TCEA1: variants seen among roughly 807,000 people sequenced by gnomAD.
The protein encoded by TCEA1 is transcription elongation factor A1.
In TCEA1, 21 loss-of-function variants were observed where a neutral mutation model predicts 43.8. The observed-to-expected ratio is 0.48, with a 90% CI of 0.34 to 0.69. The LOEUF (loss-of-function observed/expected upper bound fraction) is 0.69. Ranked by LOEUF, TCEA1 falls within the 30% of genes least tolerant of loss-of-function variation. The probability of loss-of-function intolerance (pLI) is 0.01; values close to 1 mark genes in which losing one functional copy is unlikely to be tolerated. For missense variants in TCEA1, 250 were observed against 365.1 expected (o/e 0.68, Z 2.57); for synonymous variants, 104 against 117.5 (o/e 0.88, Z 0.75).
intron 7 of TCEA1, among the ~76,000 whole-genome samples, chr8:53,980,912 G>A (rs150853638): frequency 2.1e-3 from 325 of 152,260 alleles, no homozygotes; most frequent in African/African-American, 7.3e-3. Context: ...ATTTCTTGAT[G>A]GAAATTAAAA....
Position 53,984,505 on chromosome 8 carries a change from T to C in TCEA1, c.536A>G (p.Glu179Gly). The C allele has an allele frequency of 6.3e-7, 1 of 1,587,292 alleles. No individual in the cohort carries two copies. Among genetic ancestry groups the C allele is most frequent in the African/African-American group, 1.4e-5 (1 of 73,834 alleles). The change falls in exon 7 of 10, where the codon GAA becomes GGA. Residue 179 changes from glutamate to glycine, a missense_variant. Coordinates refer to ENST00000521604, the MANE Select transcript of TCEA1 (RefSeq NM_006756.4). ...GTATTTCATGTCTGTATTCCTTATT[T>C]CTTGATATATAGGTACCAGGCCGTT... ...GSQIEEAIYQEIRNTDMKYKN... is the reference protein window; with the variant it reads ...GSQIEEAIYQGIRNTDMKYKN...
At chr8:54,002,807 A>G in intron 2 of TCEA1, 2 of 439,196 alleles carry the variant, frequency 4.6e-6, no homozygotes, top group Non-Finnish European at 9.1e-6. Context: ...GACAAACTAT[A>G]CATCGTGAAA....
Position 54,021,978 on chromosome 8 carries a change from G to A in TCEA1, c.63+85C>T. On this transcript the variant is annotated intron_variant, in intron 1 of 9. Transcript: ENST00000521604. Reference sequence around the variant, plus strand: ...CAGACGGGAGGCTGCAGGGGGAGGGGAGGGAGAAGGAGGGAGGGGGCGGCC... The same window carrying A: ...CAGACGGGAGGCTGCAGGGGGAGGGAAGGGAGAAGGAGGGAGGGGGCGGCC... 3.1e-6 allele frequency: 4 copies of A among 1,270,806 alleles called. No homozygotes were observed. The South Asian group carries it at 7.2e-5, about 23-fold the overall frequency. 78.7% of individuals were successfully genotyped at this position (1,270,806 alleles called of 1,614,324 possible).
intron 1 of TCEA1, 69 bp downstream of exon 1, chr8:54,021,993 AG>A (rs900664062): frequency 2.0e-5 from 27 of 1,320,102 alleles, no homozygotes; most frequent in Admixed American, 3.7e-5. Context: ...AGAAGGAGGG[AG>A]GGGGCGGCCC....
chr8:54,015,606 AG>A (rs1312717358), intron 1 of TCEA1, among the ~76,000 whole-genome samples: 2 of 152,238 alleles, frequency 1.3e-5, no homozygotes, highest in Non-Finnish European at 2.9e-5. Flanking sequence ...AAGCAACAAA[AG>A]AAAAATATAT....
chr8:53,981,408 T>C (rs1353320112), intron 7 of TCEA1, among the ~76,000 whole-genome samples: 1 of 152,108 alleles, frequency 6.6e-6, no homozygotes, highest in Non-Finnish European at 1.5e-5. Flanking sequence ...TCTGGTGACT[T>C]CAAGTTGAAG....
intron 9 of TCEA1, 134 bp from the exon 10 acceptor site, chr8:53,968,246 A>G: frequency 4.8e-6 from 3 of 629,554 alleles, no homozygotes; most frequent in African/African-American, 1.8e-5. Context: ...TTTTTCACAC[A>G]TAATAATCAC....
chr8:53,975,862 G>A (rs1803316405), intron 8 of TCEA1, among the ~76,000 whole-genome samples: 1 of 151,954 alleles, frequency 6.6e-6, no homozygotes, highest in Non-Finnish European at 1.5e-5. Context: ...AAAAATAACT[G>A]GTTAAGTTGG....
intron 7 of TCEA1, among the ~76,000 whole-genome samples, chr8:53,983,013 T>G (rs1041415610): frequency 6.6e-6 from 1 of 152,232 alleles, no homozygotes; most frequent in Non-Finnish European, 1.5e-5. Context: ...CACTGTTGTC[T>G]TATTTTACAA....
intron 2 of TCEA1, 135 bp downstream of exon 2, chr8:54,010,295 C>T: frequency 1.5e-6 from 1 of 679,918 alleles, no homozygotes; most frequent in Non-Finnish European, 2.5e-6. Flanking sequence ...ATATTGCCAT[C>T]TTTAAAAAAA....
intron 4 of TCEA1, among the ~76,000 whole-genome samples, chr8:53,989,752 T>A (rs957003092): frequency 6.7e-6 from 1 of 148,182 alleles, no homozygotes; most frequent in African/African-American, 2.5e-5. Context: ...CCATTTATTA[T>A]TTTTTTTTTT....
chr8:54,011,832 T>C (rs1275543783), intron 1 of TCEA1, among the ~76,000 whole-genome samples: 1 of 152,234 alleles, frequency 6.6e-6, no homozygotes, highest in African/African-American at 2.4e-5. Context: ...GCTTTTATTC[T>C]GGTAACAAAG....
chr8:53,996,236 T>C (rs557927478), intron 3 of TCEA1, among the ~76,000 whole-genome samples: 1 of 152,370 alleles, frequency 6.6e-6, no homozygotes, highest in East Asian at 1.9e-4. Context: ...GAAGCATTCC[T>C]ACTATCTGAT....
intron 2 of TCEA1, among the ~76,000 whole-genome samples, chr8:54,003,311 C>T (rs920907714): frequency 1.3e-5 from 2 of 152,122 alleles, no homozygotes; most frequent in Admixed American, 1.3e-4. Flanking sequence ...ACTACTGACT[C>T]AATGCAATGC....
chr8:53,996,901 G>GTTTTTTTTTTTT (rs1563494161), intron 3 of TCEA1, among the ~76,000 whole-genome samples: 20 of 90,168 alleles, frequency 2.2e-4, no homozygotes, highest in African/African-American at 1.5e-3. Flanking sequence ...AAAGAAGGTT[G>GTTTTTTTTTTTT]TCTTTTTTTT....
At chr8:54,004,636 G>A (rs1389740557) in intron 2 of TCEA1, among the ~76,000 whole-genome samples, 11 of 152,152 alleles carry the variant, frequency 7.2e-5, no homozygotes, top group Non-Finnish European at 1.6e-4. Context: ...ACCAGTTGGG[G>A]GGAACGGAGA....
At position 54,022,280 on chromosome 8, in the gene TCEA1, G is replaced by A. The variant is rs1805074830; in HGVS notation, c.-155C>T. ...CCCTTCCTTACGAACGAAGCCCGCG[G>A]CGGCGGCGGCGGCGGCGGCGGCTCC... On this transcript the variant is annotated 5_prime_UTR_variant, in exon 1 of 10. Coordinates refer to ENST00000521604, the MANE Select transcript of TCEA1 (RefSeq NM_006756.4). 2.6e-6 allele frequency: 2 copies of A among 767,984 alleles called. No homozygotes were observed. Among genetic ancestry groups the A allele is most frequent in the Admixed American group, 5.3e-5 (2 of 37,776 alleles). The allele number at this position is 767,984 out of a possible 1,614,324, so 47.6% of individuals were successfully genotyped here.
intron 4 of TCEA1, among the ~76,000 whole-genome samples, chr8:53,991,589 G>A (rs559285374): frequency 1.3e-5 from 2 of 151,972 alleles, no homozygotes; most frequent in South Asian, 4.1e-4. Context: ...AGCTACTTGG[G>A]AGGCTGAGGC....
chr8:53,993,609 T>C, intron 4 of TCEA1, 59 bp downstream of exon 4: 1 of 1,394,400 alleles, frequency 7.2e-7, no homozygotes, highest in Non-Finnish European at 1.0e-6. Context: ...ACAGGGGAAT[T>C]GATGCAGGAA....
Sources: gnomAD v4.1 joint callset for allele counts (sites outside exome capture counted in the v4.1 genomes callset) on GRCh38, gnomAD v4.1.1 for gene constraint, MANE v1.5 for transcripts, NCBI Gene and HGNC (gene_info 2026-07-23, HGNC 2026-07-21) for gene names.